The following VWA5B1 variants were observed in gnomAD, a reference collection of about 807,000 sequenced individuals.
VWA5B1 encodes von Willebrand factor A domain containing 5B1, also known as von Willebrand factor A domain-containing protein 5B1.
A neutral mutation model predicts 118.2 loss-of-function variants in VWA5B1; 115 were observed. The ratio of observed to expected loss-of-function variants is 0.97; its 90% CI spans 0.84 to 1.14. The LOEUF (loss-of-function observed/expected upper bound fraction) is 1.14, where lower values mean the gene tolerates loss of function less well. Among genes scored for constraint, VWA5B1 ranks in the 50% most tolerant of loss-of-function variants. VWA5B1 has a pLI of 0.00. For synonymous variants in VWA5B1, 682 were observed against 658.4 expected (o/e 1.04, Z -0.55); for missense variants, 1,596 against 1,603.8 (o/e 1.00, Z 0.08).
At chr1:20,343,683 C>T (rs1458261344) in intron 16 of VWA5B1, among the ~76,000 whole-genome samples, 1 of 115,104 alleles carries the variant, frequency 8.7e-6, no homozygotes, top group East Asian at 2.7e-4. Flanking sequence ...ATGGCCCGCC[C>T]ACCCCGCCAC....
chr1:20,345,151 G>A (rs2089980148), intron 16 of VWA5B1, among the ~76,000 whole-genome samples: 1 of 152,186 alleles, frequency 6.6e-6, no homozygotes, highest in South Asian at 2.1e-4. Flanking sequence ...ACAACATAGT[G>A]GGTTGGGTGT....
chr1:20,344,276 G>A (rs1449958670), intron 16 of VWA5B1, among the ~76,000 whole-genome samples: 6 of 151,854 alleles, frequency 4.0e-5, no homozygotes, highest in Non-Finnish European at 7.4e-5. Flanking sequence ...AGCGGCCCCT[G>A]TCTCTCCAGA....
chr1:20,350,603 C>T (rs1327337595), intron 19 of VWA5B1, among the ~76,000 whole-genome samples: 1 of 152,228 alleles, frequency 6.6e-6, no homozygotes, highest in African/African-American at 2.4e-5. Context: ...ACTGTCCCCA[C>T]AAGTAACTTT....
chr1:20,342,535 C>A lies in VWA5B1; in HGVS notation c.2237C>A (p.Pro746His). Residue 746 changes from proline to histidine, a missense_variant, in exon 15 of 22, where the codon CCC becomes CAC. Coordinates refer to ENST00000289815, the MANE Select transcript of VWA5B1 (RefSeq NM_001039500.3). ...CCCCAAGGCTGCCAGCCCTTCCTGC[C>A]CTGGGGCCAGGAGACCCAGGCCTGG... is the stretch of plus-strand genomic sequence containing the variant. The part of the protein sequence containing the change: ...LLPQGCQPFL[P>H]WGQETQAWSP... 1 of 1,547,268 alleles carries A rather than the reference C, an allele frequency of 6.5e-7. No individual in the cohort carries two copies.
intron 12 of VWA5B1, among the ~76,000 whole-genome samples, chr1:20,333,278 A>T (rs147947275): frequency 1.7e-4 from 26 of 152,378 alleles, no homozygotes; most frequent in African/African-American, 6.3e-4. Context: ...ACTTGAGATC[A>T]GCCTGGCCAA....
chr1:20,336,812 A>C (rs147719022), intron 13 of VWA5B1, among the ~76,000 whole-genome samples: 31 of 152,326 alleles, frequency 2.0e-4, no homozygotes, highest in African/African-American at 6.7e-4. Flanking sequence ...TGACTCAGAC[A>C]TGTCCCCTGC....
rs1439333222 is a variant in VWA5B1, at chr1:20,323,349, C to T, written c.967-7C>T. 1 of 1,464,152 alleles carries T rather than the reference C, an allele frequency of 6.8e-7. No individual in the cohort carries two copies. The highest frequency in any genetic ancestry group is 9.1e-7 in the Non-Finnish European group (1 of 1,104,580). 90.7% of individuals were successfully genotyped at this position (1,464,152 alleles called of 1,614,324 possible). A position where few individuals can be genotyped will look rare whatever the true frequency, so the allele number is the denominator to read the frequency against. ...TTGCCCAATCAGAGTGTTCTTTCCT[C>T]TTCCAGACAGAAATCATTCGAAAAC... On this transcript the variant is annotated splice_region_variant and splice_polypyrimidine_tract_variant and intron_variant, in intron 7 of 21. Coordinates refer to ENST00000289815, the MANE Select transcript of VWA5B1 (RefSeq NM_001039500.3).
intron 18 of VWA5B1, among the ~76,000 whole-genome samples, chr1:20,349,752 T>A (rs76672405): frequency 5.4e-5 from 8 of 147,716 alleles, no homozygotes; most frequent in Admixed American, 3.4e-4. Context: ...TTTTTTTTTT[T>A]TGAGACAGGG....
intron 1 of VWA5B1, among the ~76,000 whole-genome samples, chr1:20,300,447 C>G (rs1400532841): frequency 6.6e-6 from 1 of 152,094 alleles, no homozygotes; most frequent in Non-Finnish European, 1.5e-5. Flanking sequence ...CAGAGGGACC[C>G]CGTGGGAAGG....
chr1:20,332,231 G>A (rs1198471780), intron 11 of VWA5B1, among the ~76,000 whole-genome samples: 1 of 152,094 alleles, frequency 6.6e-6, no homozygotes, highest in African/African-American at 2.4e-5. Context: ...TGTAATCCCA[G>A]TACTTTGGGA....
chr1:20,305,535 G>A (rs1224193391), intron 1 of VWA5B1, among the ~76,000 whole-genome samples: 1 of 152,082 alleles, frequency 6.6e-6, no homozygotes, highest in African/African-American at 2.4e-5. Context: ...TTGACAGGAG[G>A]ACAGAAGAGT....
rs535424088 is a variant in VWA5B1 at position 20,349,215 on chromosome 1, C to A, written c.2878+857C>A. The A allele has an allele frequency of 2.0e-5, 9 of 448,226 alleles. No individual in the cohort carries two copies. In the East Asian group the frequency reaches 6.4e-4, roughly 32 times the overall value. 27.8% of individuals were successfully genotyped at this position (448,226 alleles called of 1,614,324 possible). On this transcript the variant is annotated intron_variant, in intron 18 of 21. Transcript: ENST00000289815. ...CAGAATCAAAGTGTTCTCTCAACTT[C>A]TTGGTCCCATTGGCCTCCAAAACCC...
intron 4 of VWA5B1, among the ~76,000 whole-genome samples, chr1:20,315,074 T>C (rs570372706): frequency 2.6e-4 from 40 of 152,308 alleles, no homozygotes; most frequent in Non-Finnish European, 4.7e-4. Flanking sequence ...GAGAAGTTCA[T>C]TGGGCTAAGA....
At chr1:20,321,125 A>AAAAAAC (rs1553198078) in intron 7 of VWA5B1, among the ~76,000 whole-genome samples, 3 of 151,926 alleles carry the variant, frequency 2.0e-5, no homozygotes, top group African/African-American at 7.3e-5. Context: ...AAAAAAAAAA[A>AAAAAAC]AAAACACGAA....
chr1:20,342,400 T>C, intron 14 of VWA5B1, 32 bp from the exon 15 acceptor site: 2 of 1,546,578 alleles, frequency 1.3e-6, no homozygotes, highest in Non-Finnish European at 1.7e-6. Context: ...CTCGTCCTCC[T>C]CCTCTTTCTC....
chr1:20,342,643 G>T, intron 15 of VWA5B1, 34 bp downstream of exon 15: 1 of 1,443,994 alleles, frequency 6.9e-7, no homozygotes, highest in South Asian at 1.5e-5. Context: ...CCCAACTGGG[G>T]ACAGGGAGGA....
chr1:20,312,222 C>T (rs898735172), intron 2 of VWA5B1, among the ~76,000 whole-genome samples: 1 of 152,214 alleles, frequency 6.6e-6, no homozygotes. Flanking sequence ...TGCATTTTAA[C>T]AAAATCCAAG....
At chr1:20,310,530 C>A (rs749836134) in intron 1 of VWA5B1, 46 bp from the exon 2 acceptor site, 2 of 1,435,872 alleles carry the variant, frequency 1.4e-6, no homozygotes, top group Non-Finnish European at 1.8e-6. Flanking sequence ...GTTGAGGGGA[C>A]CTGGGGGAGC....
intron 1 of VWA5B1, among the ~76,000 whole-genome samples, chr1:20,297,863 G>C (rs2088433914): frequency 6.6e-6 from 1 of 152,136 alleles, no homozygotes; most frequent in Non-Finnish European, 1.5e-5. Flanking sequence ...TCCTTAAAAT[G>C]GGATAATAAT....
Sources: gnomAD v4.1 joint callset for allele counts (sites outside exome capture counted in the v4.1 genomes callset) on GRCh38, gnomAD v4.1.1 for gene constraint, MANE v1.5 for transcripts, NCBI Gene and HGNC (gene_info 2026-07-23, HGNC 2026-07-21) for gene names.